Variants in KCNH8 observed in about 807,000 individuals in gnomAD.
The protein encoded by KCNH8 is voltage-gated delayed rectifier potassium channel KCNH8.
Under a neutral mutation model 103.6 loss-of-function variants are expected in KCNH8, and 70 were observed. That is an observed-to-expected ratio of 0.68 (90% CI 0.56 to 0.82). KCNH8 has a LOEUF of 0.82. Ranked by LOEUF, KCNH8 falls within the 40% of genes least tolerant of loss-of-function variation. The probability of loss-of-function intolerance (pLI) is 0.00; values close to 1 mark genes in which losing one functional copy is unlikely to be tolerated. For synonymous variants in KCNH8, 498 were observed against 489.4 expected, an observed-to-expected ratio of 1.02 and a Z score of -0.23; for missense variants, 1,217 against 1,329.9, an observed-to-expected ratio of 0.92 and a Z score of 1.32.
At chr3:19,444,460 T>A (rs575280651) in intron 8 of KCNH8, among the ~76,000 whole-genome samples, 1 of 151,870 alleles carries the variant, frequency 6.6e-6, no homozygotes, top group Admixed American at 6.6e-5. Flanking sequence ...GGTTTCCTAA[T>A]CATGACACAA....
chr3:19,290,987 G>A (rs1243184881), intron 3 of KCNH8, among the ~76,000 whole-genome samples: 2 of 152,090 alleles, frequency 1.3e-5, no homozygotes, highest in African/African-American at 4.8e-5. Context: ...TGTATGTGTC[G>A]AGGAATTTAT....
chr3:19,531,001 A>G (rs982324478), intron 15 of KCNH8, among the ~76,000 whole-genome samples: 2 of 152,238 alleles, frequency 1.3e-5, no homozygotes, highest in Admixed American at 1.3e-4. Context: ...CTGAAAGCAC[A>G]TTGTATAAAT....
chr3:19,319,181 T>G (rs2065317382), intron 3 of KCNH8, among the ~76,000 whole-genome samples: 1 of 152,058 alleles, frequency 6.6e-6, no homozygotes, highest in South Asian at 2.1e-4. Flanking sequence ...AAGTCCCATC[T>G]ATTTATCTTT....
chr3:19,490,314 C>T (rs998001400), intron 11 of KCNH8, among the ~76,000 whole-genome samples: 3 of 152,228 alleles, frequency 2.0e-5, no homozygotes, highest in Non-Finnish European at 4.4e-5. Flanking sequence ...GGAGCATCTG[C>T]AGACTCACAT....
intron 1 of KCNH8, among the ~76,000 whole-genome samples, chr3:19,252,388 T>TC (rs57436534): frequency 0.07 from 10,680 of 151,932 alleles, 468 homozygotes; most frequent in East Asian, 0.19. Context: ...TGAATAGCAC[T>TC]CTTTTTTTTT....
intron 1 of KCNH8, among the ~76,000 whole-genome samples, chr3:19,184,725 G>T (rs1411577809): frequency 6.6e-6 from 1 of 151,828 alleles, no homozygotes; most frequent in Non-Finnish European, 1.5e-5. Context: ...GAATTTTGAG[G>T]ATATGTATGG....
chr3:19,349,372 A>T (rs1039614007), intron 5 of KCNH8, among the ~76,000 whole-genome samples: 3 of 151,972 alleles, frequency 2.0e-5, no homozygotes, highest in Non-Finnish European at 4.4e-5. Flanking sequence ...CCCACCCATG[A>T]TGCACACATA....
intron 7 of KCNH8, among the ~76,000 whole-genome samples, chr3:19,421,824 A>G (rs920925794): frequency 5.9e-5 from 9 of 152,102 alleles, no homozygotes; most frequent in African/African-American, 2.2e-4. Context: ...ATTTTTTAAA[A>G]ATCAATGTTT....
At chr3:19,306,310 T>C (rs2065129793) in intron 3 of KCNH8, among the ~76,000 whole-genome samples, 1 of 152,120 alleles carries the variant, frequency 6.6e-6, no homozygotes, top group Admixed American at 6.6e-5. Flanking sequence ...GTCTCCTTTC[T>C]ATCAGGTACT....
chr3:19,265,616 G>C (rs1412693099), intron 2 of KCNH8, among the ~76,000 whole-genome samples: 2 of 151,880 alleles, frequency 1.3e-5, no homozygotes, highest in Non-Finnish European at 2.9e-5. Context: ...TGGCCTGTGG[G>C]CTGGTTTCTA....
intron 11 of KCNH8, among the ~76,000 whole-genome samples, chr3:19,504,353 G>A (rs2068650254): frequency 6.6e-6 from 1 of 152,126 alleles, no homozygotes; most frequent in Non-Finnish European, 1.5e-5. Flanking sequence ...TCTAATTAAA[G>A]TAAAAAGCTT....
At chr3:19,243,783 A>G (rs989986422) in intron 1 of KCNH8, among the ~76,000 whole-genome samples, 4 of 152,198 alleles carry the variant, frequency 2.6e-5, no homozygotes, top group African/African-American at 9.6e-5. Context: ...GCTTGAAGTA[A>G]AAAGGCTGTT....
chr3:19,412,720 G>A (rs2125149584), intron 7 of KCNH8, among the ~76,000 whole-genome samples: 1 of 151,986 alleles, frequency 6.6e-6, no homozygotes, highest in Non-Finnish European at 1.5e-5. Flanking sequence ...ATGAGCAAAA[G>A]ACATGAATAG....
At chr3:19,234,655 C>G (rs1221578173) in intron 1 of KCNH8, among the ~76,000 whole-genome samples, 7 of 144,770 alleles carry the variant, frequency 4.8e-5, no homozygotes, top group Non-Finnish European at 9.1e-5. Flanking sequence ...CTGAGGGAGC[C>G]GGCTCCCGGC....
At chr3:19,412,327 TG>T (rs1444341611) in intron 7 of KCNH8, among the ~76,000 whole-genome samples, 1 of 152,072 alleles carries the variant, frequency 6.6e-6, no homozygotes, top group Non-Finnish European at 1.5e-5. Context: ...GGTGCTGGGA[TG>T]CCTAGATAGC....
At chr3:19,184,526 G>A (rs1025041513) in intron 1 of KCNH8, among the ~76,000 whole-genome samples, 1 of 151,806 alleles carries the variant, frequency 6.6e-6, no homozygotes, top group African/African-American at 2.4e-5. Context: ...CGTTTAATAA[G>A]GCTGGCTGAC....
chr3:19,529,041 G>A (rs368594970), intron 15 of KCNH8, among the ~76,000 whole-genome samples: 7 of 152,102 alleles, frequency 4.6e-5, no homozygotes, highest in African/African-American at 1.4e-4. Context: ...AGAAGAGCCC[G>A]CAGTCAGAAG....
chr3:19,331,126 A>T (rs985575643), intron 3 of KCNH8, among the ~76,000 whole-genome samples: 1 of 151,854 alleles, frequency 6.6e-6, no homozygotes, highest in South Asian at 2.1e-4. Flanking sequence ...ACTGGGGGGA[A>T]GTTTTTTTTG....
chr3:19,373,078 T>G (rs2066128199), intron 5 of KCNH8, among the ~76,000 whole-genome samples: 1 of 151,988 alleles, frequency 6.6e-6, no homozygotes. Flanking sequence ...TTCTCTTTTT[T>G]GGTTGTGTCT....
Sources: gnomAD v4.1 joint callset for allele counts (sites outside exome capture counted in the v4.1 genomes callset) on GRCh38, gnomAD v4.1.1 for gene constraint, MANE v1.5 for transcripts, NCBI Gene and HGNC (gene_info 2026-07-23, HGNC 2026-07-21) for gene names.